Variants in OTULIN observed in about 807,000 individuals in gnomAD.
OTULIN encodes the protein OTU deubiquitinase with linear linkage specificity, also known as ubiquitin thioesterase otulin.
A neutral mutation model predicts 39.6 loss-of-function variants in OTULIN; 15 were observed. The ratio of observed to expected loss-of-function variants is 0.38; its 90% CI spans 0.25 to 0.58. OTULIN has a LOEUF of 0.58. Among genes scored for constraint, OTULIN ranks in the 20% least tolerant of loss-of-function variants. OTULIN has a pLI of 0.66. For synonymous variants in OTULIN, 156 were observed against 170.3 expected (o/e 0.92, Z 0.65); for missense variants, 319 against 445.9 (o/e 0.72, Z 2.56).
intron 2 of OTULIN, chr5:14,674,003 C>G (rs1000447171): frequency 2.5e-5 from 5 of 200,418 alleles, no homozygotes; most frequent in Non-Finnish European, 4.0e-5. Context: ...TCTTGATTTC[C>G]TTATATTCTT....
chr5:14,681,710 G>A lies in OTULIN; in HGVS notation c.468+103G>A. On this transcript the variant is annotated intron_variant, in intron 4 of 6. Coordinates refer to ENST00000284274, the MANE Select transcript of OTULIN (RefSeq NM_138348.6). ...TACCTTCTAGTATCGTCTGCAGTAT[G>A]ATGTCAGCATGTGCGTTTATTCAGT... 2.3e-6 allele frequency: 3 copies of A among 1,311,262 alleles called. No homozygotes were observed. The South Asian group carries it at 4.8e-5, about 21-fold the overall frequency. 81.2% of individuals were successfully genotyped at this position (1,311,262 alleles called of 1,614,324 possible).
At chr5:14,683,876 T>C (rs1014615615) in intron 4 of OTULIN, among the ~76,000 whole-genome samples, 12 of 147,828 alleles carry the variant, frequency 8.1e-5, no homozygotes, top group Non-Finnish European at 1.8e-4. Context: ...TCTCCCCCCC[T>C]TTTTTTTTGC....
chr5:14,664,988 GGGGGCGC>G lies in OTULIN; in HGVS notation c.152+22_152+28del, dbSNP rs535246159. 2,443 of 1,053,272 alleles carry G rather than the reference GGGGGCGC, an allele frequency of 2.3e-3. 8 individuals are homozygous for G. The highest frequency in any genetic ancestry group is 2.6e-3 in the Non-Finnish European group (2,270 of 874,996). 65.2% of individuals were successfully genotyped at this position (1,053,272 alleles called of 1,614,324 possible). On this transcript the variant is annotated intron_variant, in intron 1 of 6. Transcript: ENST00000284274. ...GTGCCCGGCCGAGCAGTGAGTCCGC[GGGGGCGC>G]GGGGCGCGGGCCGTGGGCGGCGGGC... is the stretch of plus-strand genomic sequence containing the variant.
At chr5:14,684,723 C>A (rs1736342468) in intron 4 of OTULIN, among the ~76,000 whole-genome samples, 1 of 152,220 alleles carries the variant, frequency 6.6e-6, no homozygotes, top group African/African-American at 2.4e-5. Context: ...GCTGTCTTCT[C>A]TGTCTTTTAG....
chr5:14,681,864 C>G (rs1438930261), intron 4 of OTULIN, among the ~76,000 whole-genome samples: 1 of 152,144 alleles, frequency 6.6e-6, no homozygotes, highest in Non-Finnish European at 1.5e-5. Context: ...GTATAAAGCA[C>G]TTAGGAACAG....
chr5:14,675,449 G>C (rs980616576), intron 2 of OTULIN, among the ~76,000 whole-genome samples: 1 of 152,198 alleles, frequency 6.6e-6, no homozygotes, highest in Non-Finnish European at 1.5e-5. Context: ...TGTGTGGCGG[G>C]GCCGCACCGT....
chr5:14,688,767 G>C (rs1467727724), intron 5 of OTULIN, among the ~76,000 whole-genome samples: 1 of 152,156 alleles, frequency 6.6e-6, no homozygotes, highest in Non-Finnish European at 1.5e-5. Context: ...TGGGTTAGTG[G>C]AAGGCTGACG....
chr5:14,710,422 G>A, the OTULIN span: 2 of 152,310 alleles, frequency 1.3e-5, no homozygotes, highest in African/African-American at 4.8e-5. Context: ...ATTTAAAAAA[G>A]TTAGCTCATG....
At chr5:14,673,555 A>G (rs1017832997) in intron 1 of OTULIN, 87 bp from the exon 2 acceptor site, 28 of 1,096,238 alleles carry the variant, frequency 2.6e-5, no homozygotes, top group Non-Finnish European at 3.5e-5. Context: ...CCCTTAGTAT[A>G]TTATGCATTT....
the OTULIN span, chr5:14,707,316 C>T: frequency 6.6e-6 from 1 of 151,426 alleles, no homozygotes; most frequent in Admixed American, 6.6e-5. Context: ...AACCAGTCAG[C>T]TACTGAGTCT....
intron 4 of OTULIN, among the ~76,000 whole-genome samples, chr5:14,684,282 G>T (rs1365351824): frequency 1.3e-5 from 2 of 152,192 alleles, no homozygotes; most frequent in African/African-American, 4.8e-5. Context: ...TTCTTTCCTT[G>T]CTGTCATCCA....
chr5:14,708,099 T>A, the OTULIN span: 1 of 152,344 alleles, frequency 6.6e-6, no homozygotes, highest in South Asian at 2.1e-4. Context: ...TCAGTTGTTG[T>A]CTCACTGACG....
chr5:14,693,156 C>G lies in OTULIN; in HGVS notation c.*108C>G. On this transcript the variant is annotated 3_prime_UTR_variant, in exon 7 of 7. Coordinates refer to ENST00000284274, the MANE Select transcript of OTULIN (RefSeq NM_138348.6). ...CTAAGAACAATCTCTGAGAAGAACC[C>G]TTGGGCCCCTGGGAGCCAAGTTGGA... The G allele has an allele frequency of 1.8e-6, 2 of 1,119,682 alleles. No homozygotes were observed. The highest frequency in any genetic ancestry group is 2.5e-6 in the Non-Finnish European group (2 of 802,302). The allele number at this position is 1,119,682 out of a possible 1,614,324, so 69.4% of individuals were successfully genotyped here. A position where few individuals can be genotyped will look rare whatever the true frequency, so the allele number is the denominator to read the frequency against.
intron 2 of OTULIN, among the ~76,000 whole-genome samples, chr5:14,677,152 C>T (rs1736123077): frequency 6.6e-6 from 1 of 151,780 alleles, no homozygotes; most frequent in Non-Finnish European, 1.5e-5. Context: ...TTAAATTTAC[C>T]TAAACTGCAA....
At chr5:14,667,109 CTG>C (rs1320560991) in intron 1 of OTULIN, among the ~76,000 whole-genome samples, 2 of 152,168 alleles carry the variant, frequency 1.3e-5, no homozygotes, top group Non-Finnish European at 2.9e-5. Flanking sequence ...CACTGTAAGA[CTG>C]TAGAAGTTTT....
intron 1 of OTULIN, among the ~76,000 whole-genome samples, chr5:14,665,567 C>T (rs1469685642): frequency 6.6e-6 from 1 of 152,128 alleles, no homozygotes; most frequent in Non-Finnish European, 1.5e-5. Flanking sequence ...GGAAGAGTTC[C>T]TAATTTCTGC....
intron 1 of OTULIN, among the ~76,000 whole-genome samples, chr5:14,669,594 A>G (rs1735932845): frequency 6.6e-6 from 1 of 152,112 alleles, no homozygotes; most frequent in African/African-American, 2.4e-5. Context: ...CAACATAGTG[A>G]GACCCTGACT....
intron 4 of OTULIN, among the ~76,000 whole-genome samples, chr5:14,683,920 A>G (rs1464159929): frequency 1.3e-5 from 2 of 152,112 alleles, no homozygotes; most frequent in Non-Finnish European, 2.9e-5. Context: ...TATCTGCCAT[A>G]TTAAAAATAG....
intron 4 of OTULIN, among the ~76,000 whole-genome samples, chr5:14,683,602 C>G (rs1736312225): frequency 1.3e-5 from 2 of 151,656 alleles, no homozygotes; most frequent in African/African-American, 4.8e-5. Flanking sequence ...TACCTATGTT[C>G]TTAGCTACTC....
Sources: allele counts gnomAD v4.1 joint callset (sites outside exome capture counted in the v4.1 genomes callset), GRCh38; gene constraint gnomAD v4.1.1; transcripts MANE v1.5; gene names NCBI Gene and HGNC (gene_info 2026-07-23, HGNC 2026-07-21).